Variants in RBFOX1 observed in about 807,000 individuals in gnomAD.
RBFOX1 encodes RNA binding protein fox-1 homolog 1.
RBFOX1 carries 8 observed loss-of-function variants against 57.7 expected under a neutral mutation model. That is an observed-to-expected ratio of 0.14 (90% CI 0.08 to 0.25). The LOEUF is 0.25. Among genes scored for constraint, RBFOX1 ranks in the 10% least tolerant of loss-of-function variants. The pLI is 1.00. For missense variants in RBFOX1, 611 were observed against 548.5 expected (o/e 1.11, Z -1.14); for synonymous variants, 326 against 222.4 (o/e 1.47, Z -4.15).
intron 2 of RBFOX1, among the ~76,000 whole-genome samples, chr16:6,649,514 C>G (rs2098559357): frequency 6.6e-6 from 1 of 152,206 alleles, no homozygotes; most frequent in African/African-American, 2.4e-5. Context: ...TCCCTCACCA[C>G]TCCCCGACAC....
chr16:5,856,575 G>GTGTGTGTGTATGTATGTATATGTACA (rs1192496608), intron 3 of RBFOX1, among the ~76,000 whole-genome samples: 3 of 32,920 alleles, frequency 9.1e-5, no homozygotes, highest in African/African-American at 3.8e-4. Flanking sequence ...GTGTGTGTGT[G>GTGTGTGTGTATGTATGTATATGTACA]TATATATATA....
intron 4 of RBFOX1, among the ~76,000 whole-genome samples, chr16:7,257,012 C>A (rs2094715174): frequency 6.6e-6 from 1 of 152,136 alleles, no homozygotes; most frequent in Non-Finnish European, 1.5e-5. Flanking sequence ...TGTCTCCTCT[C>A]CCCCTCTGAT....
At chr16:6,431,987 G>A (rs2094113801) in intron 2 of RBFOX1, among the ~76,000 whole-genome samples, 1 of 142,712 alleles carries the variant, frequency 7.0e-6, no homozygotes, top group Non-Finnish European at 1.5e-5. Flanking sequence ...ATAGAGACAG[G>A]GTCATATTCT....
chr16:7,122,757 G>A (rs1047650559), intron 4 of RBFOX1, among the ~76,000 whole-genome samples: 1 of 152,136 alleles, frequency 6.6e-6, no homozygotes, highest in Admixed American at 6.6e-5. Flanking sequence ...TAAAAAACAT[G>A]TACATGTCTG....
intron 2 of RBFOX1, among the ~76,000 whole-genome samples, chr16:6,330,998 C>T (rs1451467706): frequency 6.6e-6 from 1 of 152,206 alleles, no homozygotes; most frequent in Non-Finnish European, 1.5e-5. Context: ...CATCAAGGTA[C>T]AGACTTCAGA....
At chr16:7,151,452 C>G (rs1408036032) in intron 4 of RBFOX1, among the ~76,000 whole-genome samples, 1 of 152,094 alleles carries the variant, frequency 6.6e-6, no homozygotes, top group African/African-American at 2.4e-5. Context: ...TGTTCGTCAT[C>G]CTTCAACTCC....
chr16:7,086,262 T>C (rs1256962530), intron 4 of RBFOX1, among the ~76,000 whole-genome samples: 1 of 152,158 alleles, frequency 6.6e-6, no homozygotes, highest in Non-Finnish European at 1.5e-5. Context: ...AAAATTTAAA[T>C]CAACAAGGGG....
At chr16:6,958,301 C>T (rs997429711) in intron 3 of RBFOX1, among the ~76,000 whole-genome samples, 1 of 152,190 alleles carries the variant, frequency 6.6e-6, no homozygotes, top group Admixed American at 6.5e-5. Flanking sequence ...TTCCAACACA[C>T]TCTATTCAAA....
intron 1 of RBFOX1, among the ~76,000 whole-genome samples, chr16:5,378,415 T>C (rs942185164): frequency 6.6e-6 from 1 of 151,528 alleles, no homozygotes; most frequent in African/African-American, 2.5e-5. Context: ...ATCGGGGAGT[T>C]AGCCTCCCTT....
intron 5 of RBFOX1, among the ~76,000 whole-genome samples, chr16:7,564,489 C>T (rs1221063950): frequency 7.5e-6 from 1 of 133,580 alleles, no homozygotes; most frequent in Non-Finnish European, 1.5e-5. Context: ...TGCACTCAGC[C>T]GAGATTGCAC....
At chr16:7,043,766 G>A (rs7187213) in intron 3 of RBFOX1, among the ~76,000 whole-genome samples, 19,961 of 152,030 alleles carry the variant, frequency 0.13, 2,319 homozygotes, top group African/African-American at 0.3. Context: ...ACTTTCCCCA[G>A]TTCAAGTTAA....
intron 4 of RBFOX1, among the ~76,000 whole-genome samples, chr16:7,180,901 G>T (rs938339658): frequency 6.6e-6 from 1 of 152,120 alleles, no homozygotes; most frequent in African/African-American, 2.4e-5. Flanking sequence ...TCCTGCAGAG[G>T]GTCAGATAAT....
Position 6,634,483 on chromosome 16 carries a change from C to T in RBFOX1, c.-63-20120C>T, listed in dbSNP as rs550441327. ...TATATATTTAATATAATAGATGATA[C>T]ATACTTATATAATATTATATCCATT... On this transcript the variant is annotated intron_variant, in intron 2 of 15. Transcript: ENST00000550418. 2.6e-4 allele frequency among the ~76,000 whole-genome samples: 39 copies of T among 149,722 alleles called. No homozygotes were observed. The South Asian group carries it at 8.2e-3, about 31-fold the overall frequency.
chr16:6,368,488 C>T (rs1351809883), intron 2 of RBFOX1, among the ~76,000 whole-genome samples: 2 of 152,178 alleles, frequency 1.3e-5, no homozygotes, highest in East Asian at 1.9e-4. Flanking sequence ...CTTTCCAGTT[C>T]TCTGGGTGTG....
At chr16:7,425,025 A>G (rs1277875096) in intron 4 of RBFOX1, among the ~76,000 whole-genome samples, 2 of 152,212 alleles carry the variant, frequency 1.3e-5, no homozygotes, top group African/African-American at 4.8e-5. Flanking sequence ...TTATTTTGAC[A>G]TAAAAGGGGG....
At chr16:7,075,558 TTTTTA>T (rs138485740) in intron 4 of RBFOX1, among the ~76,000 whole-genome samples, 1,530 of 152,216 alleles carry the variant, frequency 0.01, 29 homozygotes, top group African/African-American at 0.035. Flanking sequence ...TTTGCATTTC[TTTTTA>T]TTTTTTCTTT....
chr16:6,794,364 G>T (rs2083544150), intron 3 of RBFOX1, among the ~76,000 whole-genome samples: 1 of 144,170 alleles, frequency 6.9e-6, no homozygotes, highest in South Asian at 2.2e-4. Flanking sequence ...ACAGGAAATT[G>T]CTTTCCTTAA....
intron 2 of RBFOX1, among the ~76,000 whole-genome samples, chr16:6,529,610 A>AT (rs2096628991): frequency 6.6e-6 from 1 of 151,752 alleles, no homozygotes; most frequent in East Asian, 1.9e-4. Flanking sequence ...TAAATGTAAC[A>AT]TTGAGTCAGC....
rs753461650 is a variant in RBFOX1 at position 6,838,004 on chromosome 16, A to AC, written c.-16+183358dup. Among the ~76,000 whole-genome samples the AC allele has an allele frequency of 7.5e-4, 77 of 103,350 alleles. 1 individual carries two copies. Among genetic ancestry groups the AC allele is most frequent in the Middle Eastern group, 4.7e-3 (1 of 214 alleles). The allele number at this position is 103,350 out of a possible 152,430, so 67.8% of individuals were successfully genotyped here. A position where few individuals can be genotyped will look rare whatever the true frequency, so the allele number is the denominator to read the frequency against. ...TCCATGGCAATACTGGGAAGTTACC[A>AC]CCCCTTTTTTTTTTTTTCCATTTTA... On this transcript the variant is annotated intron_variant, in intron 3 of 15. Transcript: ENST00000550418.
Sources: allele counts gnomAD v4.1 joint callset (sites outside exome capture counted in the v4.1 genomes callset), GRCh38; gene constraint gnomAD v4.1.1; transcripts MANE v1.5; gene names NCBI Gene and HGNC (gene_info 2026-07-23, HGNC 2026-07-21).